TRPS1: variants seen among roughly 807,000 people sequenced by gnomAD.
TRPS1 encodes the protein transcriptional repressor GATA binding 1, also known as zinc finger transcription factor Trps1.
In TRPS1, 6 loss-of-function variants were observed where a neutral mutation model predicts 101.2. That is an observed-to-expected ratio of 0.06 (90% CI 0.03 to 0.12). TRPS1 has a LOEUF of 0.12. Ranked by LOEUF, TRPS1 falls within the 10% of genes least tolerant of loss-of-function variation. The pLI is 1.00. For missense variants in TRPS1, 1,363 were observed against 1,567.0 expected (o/e 0.87, Z 2.20); for synonymous variants, 578 against 589.8 (o/e 0.98, Z 0.29).
At chr8:115,600,901 A>G (rs1817893005) in intron 4 of TRPS1, among the ~76,000 whole-genome samples, 2 of 152,098 alleles carry the variant, frequency 1.3e-5, no homozygotes, top group Admixed American at 1.3e-4. Context: ...GTGGAATATA[A>G]TAACCCAGTT....
At chr8:115,549,283 T>C (rs1278777713) in intron 5 of TRPS1, among the ~76,000 whole-genome samples, 3 of 152,252 alleles carry the variant, frequency 2.0e-5, no homozygotes, top group Admixed American at 2.0e-4. Flanking sequence ...TCCTGCTAAA[T>C]TCAATCACTG....
intron 5 of TRPS1, among the ~76,000 whole-genome samples, chr8:115,530,448 T>A (rs189848807): frequency 2.0e-3 from 299 of 152,206 alleles, no homozygotes; most frequent in Non-Finnish European, 3.5e-3. Flanking sequence ...AGGAAACAAG[T>A]TAGGTGTATA....
At chr8:115,451,228 C>T (rs541230318) in intron 5 of TRPS1, among the ~76,000 whole-genome samples, 1 of 152,130 alleles carries the variant, frequency 6.6e-6, no homozygotes, top group Non-Finnish European at 1.5e-5. Flanking sequence ...GTGTTCCTAC[C>T]ACTTCTGAAT....
intron 5 of TRPS1, among the ~76,000 whole-genome samples, chr8:115,472,134 TC>T (rs1199893008): frequency 6.6e-6 from 1 of 152,228 alleles, no homozygotes; most frequent in Non-Finnish European, 1.5e-5. Context: ...ACATTTCCCT[TC>T]TGCATTGCCC....
chr8:115,506,283 C>G (rs1239173056), intron 5 of TRPS1, among the ~76,000 whole-genome samples: 1 of 151,822 alleles, frequency 6.6e-6, no homozygotes, highest in East Asian at 1.9e-4. Context: ...TTTTCATATA[C>G]TGGTTATCAA....
intron 4 of TRPS1, among the ~76,000 whole-genome samples, chr8:115,590,159 T>G (rs1817650072): frequency 6.6e-6 from 1 of 152,000 alleles, no homozygotes; most frequent in Non-Finnish European, 1.5e-5. Context: ...CCACACACAT[T>G]CTAGTTTAAT....
chr8:115,623,537 T>C lies in TRPS1; in HGVS notation c.37+64A>G, dbSNP rs933254207. On this transcript the variant is annotated intron_variant, in intron 2 of 6. Transcript: ENST00000395715. ...CTAAGACAAATAACAGATTGCACGA[T>C]GTTTTACTGTGTGCCAAGAACTTTT... The C allele has an allele frequency of 2.6e-6, 4 of 1,564,812 alleles. No individual in the cohort carries two copies. The African/African-American group carries it at 4.1e-5, about 16-fold the overall frequency.
intron 5 of TRPS1, among the ~76,000 whole-genome samples, chr8:115,501,522 T>C (rs1815320128): frequency 6.6e-6 from 1 of 152,166 alleles, no homozygotes; most frequent in African/African-American, 2.4e-5. Flanking sequence ...TACAAAAATA[T>C]CTTCTACACC....
In TRPS1 at chr8:115,474,891, G is replaced by A. The variant is rs1271105871; in HGVS notation, c.2701-56439C>T. ...ACAAGTTATAAAAGTAGCAAACCAT[G>A]ATGGTGCAGGCTTCTCCCATCAGTA... On this transcript the variant is annotated intron_variant, in intron 5 of 6. Coordinates refer to ENST00000395715, the MANE Select transcript of TRPS1 (RefSeq NM_014112.5). 2.0e-5 allele frequency among the ~76,000 whole-genome samples: 3 copies of A among 152,050 alleles called. No individual in the cohort carries two copies. The East Asian group carries it at 5.8e-4, about 29-fold the overall frequency.
intron 5 of TRPS1, among the ~76,000 whole-genome samples, chr8:115,464,486 C>T (rs988515941): frequency 9.9e-5 from 15 of 152,070 alleles, no homozygotes; most frequent in African/African-American, 3.6e-4. Flanking sequence ...ATTATTTGTG[C>T]TTGTCTCACA....
intron 5 of TRPS1, among the ~76,000 whole-genome samples, chr8:115,476,479 G>C (rs1256818741): frequency 6.6e-6 from 1 of 152,116 alleles, no homozygotes; most frequent in Non-Finnish European, 1.5e-5. Flanking sequence ...ATTTCCCTAG[G>C]AAGCATGGCT....
chr8:115,649,197 G>A (rs970051141), intron 1 of TRPS1, among the ~76,000 whole-genome samples: 1 of 152,206 alleles, frequency 6.6e-6, no homozygotes, highest in African/African-American at 2.4e-5. Flanking sequence ...ATATAAAGGT[G>A]ATGGCCTTAT....
rs188924961 is a variant in TRPS1, at chr8:115,556,324, T to C, written c.2700+30677A>G. ...ATGGCTGCTTTGAAATACTGTGATA[T>C]TCTAAATTCTGAACTTTTTTTTACT... is the stretch of plus-strand genomic sequence containing the variant. On this transcript the variant is annotated intron_variant, in intron 5 of 6. Coordinates refer to ENST00000395715, the MANE Select transcript of TRPS1 (RefSeq NM_014112.5). Among the ~76,000 whole-genome samples the C allele has an allele frequency of 1.4e-3, 215 of 152,238 alleles. 2 individuals are homozygous for C. The highest frequency in any genetic ancestry group is 3.7e-4 in the Non-Finnish European group (25 of 68,018).
intron 5 of TRPS1, among the ~76,000 whole-genome samples, chr8:115,443,199 G>A (rs554996922): frequency 6.6e-6 from 1 of 152,272 alleles, no homozygotes; most frequent in South Asian, 2.1e-4. Flanking sequence ...GAACCCAGAA[G>A]GCAAAGGCTG....
chr8:115,573,669 C>G (rs1296901352), intron 5 of TRPS1, among the ~76,000 whole-genome samples: 1 of 152,112 alleles, frequency 6.6e-6, no homozygotes, highest in Non-Finnish European at 1.5e-5. Flanking sequence ...ATCCTTTGCC[C>G]AAATCCTGGA....
chr8:115,555,043 C>A (rs1411610887), intron 5 of TRPS1, among the ~76,000 whole-genome samples: 1 of 152,188 alleles, frequency 6.6e-6, no homozygotes, highest in Non-Finnish European at 1.5e-5. Flanking sequence ...CTTCCTATCT[C>A]TTCCCAAAGT....
chr8:115,436,548 T>G (rs1393781208), intron 5 of TRPS1, among the ~76,000 whole-genome samples: 2 of 152,152 alleles, frequency 1.3e-5, no homozygotes, highest in African/African-American at 4.8e-5. Context: ...ATTATTGTTT[T>G]AGAGACAGGA....
At chr8:115,490,449 T>C (rs910577869) in intron 5 of TRPS1, among the ~76,000 whole-genome samples, 4 of 152,184 alleles carry the variant, frequency 2.6e-5, no homozygotes, top group Non-Finnish European at 5.9e-5. Flanking sequence ...GTAATACATG[T>C]AATTTTGCAT....
At chr8:115,419,431 G>A (rs1454446234) in intron 5 of TRPS1, among the ~76,000 whole-genome samples, 1 of 151,480 alleles carries the variant, frequency 6.6e-6, no homozygotes, top group African/African-American at 2.4e-5. Context: ...CCTTTCTCTA[G>A]GAAGCAAAGC....
Sources: gnomAD v4.1 joint callset for allele counts (sites outside exome capture counted in the v4.1 genomes callset) on GRCh38, gnomAD v4.1.1 for gene constraint, MANE v1.5 for transcripts, NCBI Gene and HGNC (gene_info 2026-07-23, HGNC 2026-07-21) for gene names.